The following FGF13 variants were observed in gnomAD, a reference collection of about 807,000 sequenced individuals.
The protein encoded by FGF13 is fibroblast growth factor 13.
Under a neutral mutation model 19.5 loss-of-function variants are expected in FGF13, and 2 were observed. The ratio of observed to expected loss-of-function variants is 0.10; its 90% CI spans 0.04 to 0.32. The LOEUF (loss-of-function observed/expected upper bound fraction) is 0.32, where lower values mean the gene tolerates loss of function less well. Ranked by LOEUF, FGF13 falls within the 10% of genes least tolerant of loss-of-function variation. FGF13 has a pLI of 1.00. For synonymous variants in FGF13, 72 were observed against 76.9 expected (o/e 0.94, Z 0.33); for missense variants, 113 against 192.7 (o/e 0.59, Z 2.45).
At chrX:139,031,406 T>C (rs2092226160) in intron 1 of FGF13, among the ~76,000 whole-genome samples, 1 of 111,016 alleles carries the variant, frequency 9.0e-6, no homozygotes, top group Non-Finnish European at 1.9e-5. Context: ...TTGTATTTTC[T>C]GTAATAAATT....
chrX:138,798,728 T>A (rs1169338487), intron 3 of FGF13, among the ~76,000 whole-genome samples: 1 of 112,118 alleles, frequency 8.9e-6, no homozygotes, highest in Non-Finnish European at 1.9e-5. Flanking sequence ...TAATAATTAC[T>A]TCCTCAATTT....
intron 1 of FGF13, among the ~76,000 whole-genome samples, chrX:138,921,645 T>C (rs1023666571): frequency 1.8e-5 from 2 of 111,319 alleles, no homozygotes; most frequent in South Asian, 3.7e-4. Context: ...CTAAGAAACA[T>C]ATCTTGTGAT....
chrX:138,997,829 A>G (rs1038126119), intron 1 of FGF13, among the ~76,000 whole-genome samples: 2 of 111,782 alleles, frequency 1.8e-5, no homozygotes, highest in African/African-American at 6.5e-5. Flanking sequence ...GGAAACACAG[A>G]GAATACCACA....
chrX:139,004,026 C>T (rs1449915531), intron 1 of FGF13, among the ~76,000 whole-genome samples: 1 of 112,426 alleles, frequency 8.9e-6, no homozygotes, highest in Non-Finnish European at 1.9e-5. Flanking sequence ...CGTGCACTCG[C>T]ATTCCTTGGC....
At chrX:138,681,253 G>A (rs2089726298) in intron 3 of FGF13, among the ~76,000 whole-genome samples, 1 of 111,107 alleles carries the variant, frequency 9.0e-6, no homozygotes, top group Non-Finnish European at 1.9e-5. Flanking sequence ...TAAATCTTCT[G>A]GATAACTTGC....
chrX:138,879,191 T>A (rs1023121086), intron 1 of FGF13, among the ~76,000 whole-genome samples: 2 of 111,823 alleles, frequency 1.8e-5, no homozygotes, highest in Non-Finnish European at 3.8e-5. Flanking sequence ...TCTATTTAAG[T>A]CCTTTGTCCA....
intron 1 of FGF13, among the ~76,000 whole-genome samples, chrX:139,185,426 G>A (rs1177218381): frequency 8.9e-6 from 1 of 112,259 alleles, no homozygotes; most frequent in Non-Finnish European, 1.9e-5. Flanking sequence ...GTCAATAGCA[G>A]TTCCAATTCC....
At chrX:138,742,883 G>A (rs975959781), upstream of FGF13, among the ~76,000 whole-genome samples, 4 of 112,009 alleles carry the variant, frequency 3.6e-5, no homozygotes, top group Admixed American at 2.8e-4. Flanking sequence ...TTTGTAGTAC[G>A]TTGTTTACTT....
intron 1 of FGF13, among the ~76,000 whole-genome samples, chrX:139,178,419 G>A (rs2084210377): frequency 8.9e-6 from 1 of 112,187 alleles, no homozygotes; most frequent in African/African-American, 3.2e-5. Context: ...GCAAACATCA[G>A]TATTTCTGTC....
At chrX:138,955,551 T>G (rs1210798544) in intron 1 of FGF13, among the ~76,000 whole-genome samples, 1 of 111,878 alleles carries the variant, frequency 8.9e-6, no homozygotes, top group African/African-American at 3.2e-5. Flanking sequence ...GTTACACAGG[T>G]AGTAAGTGGC....
intron 1 of FGF13, among the ~76,000 whole-genome samples, chrX:138,995,735 T>C (rs1212903862): frequency 8.9e-6 from 1 of 112,361 alleles, no homozygotes; most frequent in African/African-American, 3.2e-5. Context: ...TAATTCCATG[T>C]CTTTGGTATT....
At chrX:139,073,979 G>A (rs2092384969) in intron 1 of FGF13, among the ~76,000 whole-genome samples, 1 of 112,577 alleles carries the variant, frequency 8.9e-6, no homozygotes, top group Non-Finnish European at 1.9e-5. Flanking sequence ...GTAACTCTCA[G>A]AACAAAATGT....
At chrX:138,662,190 G>T (rs2089496507) in intron 3 of FGF13, among the ~76,000 whole-genome samples, 1 of 111,567 alleles carries the variant, frequency 9.0e-6, no homozygotes, top group South Asian at 3.7e-4. Context: ...CTATAGGACT[G>T]GCATTGAGTG....
intron 3 of FGF13, among the ~76,000 whole-genome samples, chrX:138,764,227 C>T (rs916547306): frequency 8.9e-6 from 1 of 112,051 alleles, no homozygotes; most frequent in Non-Finnish European, 1.9e-5. Context: ...TTGGCATAAA[C>T]CTCAACACGA....
chrX:138,793,991 C>G (rs1384536508), intron 3 of FGF13, among the ~76,000 whole-genome samples: 3 of 111,836 alleles, frequency 2.7e-5, no homozygotes, highest in Non-Finnish European at 5.6e-5. Context: ...CCATCCTCTC[C>G]TCCAGGTGGT....
chrX:139,006,288 T>C (rs1304693890), intron 1 of FGF13, among the ~76,000 whole-genome samples: 1 of 111,435 alleles, frequency 9.0e-6, no homozygotes, highest in African/African-American at 3.3e-5. Flanking sequence ...ATATTTGAAG[T>C]GCTGAAGAAA....
At chrX:139,190,501 T>A (rs904056686) in intron 1 of FGF13, among the ~76,000 whole-genome samples, 2 of 112,089 alleles carry the variant, frequency 1.8e-5, no homozygotes, top group African/African-American at 6.5e-5. Context: ...TGTACTGGGC[T>A]AGGCCCCTGC....
intron 3 of FGF13, among the ~76,000 whole-genome samples, chrX:138,750,596 C>A (rs899936322): frequency 1.8e-5 from 2 of 110,745 alleles, no homozygotes; most frequent in Non-Finnish European, 3.8e-5. Context: ...GACAGCTCAT[C>A]CTACATACCA....
intron 3 of FGF13, among the ~76,000 whole-genome samples, chrX:138,781,555 T>C (rs2090642979): frequency 9.1e-6 from 1 of 110,396 alleles, no homozygotes; most frequent in Non-Finnish European, 1.9e-5. Context: ...GCAAATAAAC[T>C]AGAAAATCTA....
Sources: gnomAD v4.1 joint callset for allele counts (sites outside exome capture counted in the v4.1 genomes callset) on GRCh38, gnomAD v4.1.1 for gene constraint, MANE v1.5 for transcripts, NCBI Gene and HGNC (gene_info 2026-07-23, HGNC 2026-07-21) for gene names.